Variants in SLC4A4 observed in about 807,000 individuals in gnomAD.
SLC4A4 encodes solute carrier family 4 member 4, also known as electrogenic sodium bicarbonate cotransporter 1.
SLC4A4 carries 27 observed loss-of-function variants against 111.5 expected under a neutral mutation model. The observed-to-expected ratio is 0.24, with a 90% CI of 0.18 to 0.33. The LOEUF (loss-of-function observed/expected upper bound fraction) is 0.33, where lower values mean the gene tolerates loss of function less well. SLC4A4 is among the 10% of genes least tolerant of loss of function. SLC4A4 has a pLI of 1.00. For missense variants in SLC4A4, 909 were observed against 1,315.5 expected (o/e 0.69, Z 4.78); for synonymous variants, 443 against 463.4 (o/e 0.96, Z 0.57).
At chr4:71,548,572 T>G (rs1735735288) in intron 20 of SLC4A4, among the ~76,000 whole-genome samples, 1 of 151,950 alleles carries the variant, frequency 6.6e-6, no homozygotes, top group Non-Finnish European at 1.5e-5. Context: ...TGCTTTATAC[T>G]ACAGTACAAA....
chr4:71,332,538 G>A (rs1402851835), intron 3 of SLC4A4, among the ~76,000 whole-genome samples: 2 of 150,656 alleles, frequency 1.3e-5, no homozygotes, highest in African/African-American at 2.4e-5. Flanking sequence ...TCCGCCTTCC[G>A]GGTTCACGCC....
intron 3 of SLC4A4, among the ~76,000 whole-genome samples, chr4:71,258,242 A>G (rs1315843490): frequency 1.3e-5 from 2 of 152,158 alleles, no homozygotes; most frequent in South Asian, 2.1e-4. Flanking sequence ...GCCTTTGTTC[A>G]TGCAAACTTG....
intron 20 of SLC4A4, among the ~76,000 whole-genome samples, chr4:71,550,284 T>A (rs1241010112): frequency 6.6e-6 from 1 of 152,008 alleles, no homozygotes; most frequent in Non-Finnish European, 1.5e-5. Context: ...AGTTAGGCTA[T>A]TCCTTACTTC....
At chr4:71,424,809 G>A (rs1399650642) in intron 7 of SLC4A4, among the ~76,000 whole-genome samples, 1 of 152,012 alleles carries the variant, frequency 6.6e-6, no homozygotes, top group Non-Finnish European at 1.5e-5. Context: ...CGTGGACACA[G>A]GAAGGGGAAC....
chr4:71,451,140 A>G, intron 10 of SLC4A4, 48 bp from the exon 11 acceptor site: 1 of 1,211,492 alleles, frequency 8.3e-7, no homozygotes, highest in South Asian at 1.2e-5. Flanking sequence ...TAAGAAGCGA[A>G]TGAATAAAAT....
chr4:71,145,265 G>T (rs970908396), intron 2 of SLC4A4, among the ~76,000 whole-genome samples: 1 of 152,174 alleles, frequency 6.6e-6, no homozygotes, highest in Non-Finnish European at 1.5e-5. Context: ...ATTTGTGTAT[G>T]TTGAACCAGA....
chr4:71,391,966 G>A (rs1424716434), intron 6 of SLC4A4, among the ~76,000 whole-genome samples: 5 of 151,984 alleles, frequency 3.3e-5, no homozygotes, highest in Non-Finnish European at 7.4e-5. Context: ...AGTATAATGT[G>A]TTTACATTAT....
At chr4:71,243,557 AT>A (rs1560807416) in intron 2 of SLC4A4, among the ~76,000 whole-genome samples, 6 of 152,054 alleles carry the variant, frequency 3.9e-5, no homozygotes, top group Admixed American at 3.9e-4. Context: ...CTTTTGGCTG[AT>A]TGCATTTAGG....
chr4:71,424,973 T>TA (rs1722981184), intron 7 of SLC4A4, among the ~76,000 whole-genome samples: 1 of 151,852 alleles, frequency 6.6e-6, no homozygotes, highest in Non-Finnish European at 1.5e-5. Context: ...ACGTGTACCC[T>TA]AAAACTTAAA....
chr4:71,472,012 C>T (rs557334612), intron 13 of SLC4A4, among the ~76,000 whole-genome samples: 27 of 152,036 alleles, frequency 1.8e-4, no homozygotes, highest in Admixed American at 4.6e-4. Flanking sequence ...AATTCCACCT[C>T]ATGTTGGTGG....
rs1168996571 is a variant in SLC4A4 at position 71,443,116 on chromosome 4, CTATATA to C, written c.965+2374_965+2379del. ...TCTCTCTCTCTCTCTCTCTCTCTCT[CTATATA>C]TATATATATATATATATATATATAT... On this transcript the variant is annotated intron_variant, in intron 8 of 25. Coordinates refer to ENST00000264485, the MANE Select transcript of SLC4A4 (RefSeq NM_001098484.3). Among the ~76,000 whole-genome samples the C allele has an allele frequency of 7.9e-3, 519 of 65,592 alleles. 9 individuals carry two copies. Among genetic ancestry groups the C allele is most frequent in the East Asian group, 0.074 (134 of 1,804 alleles). 43.0% of individuals were successfully genotyped at this position (65,592 alleles called of 152,430 possible).
At chr4:71,250,323 A>G (rs762695512) in intron 2 of SLC4A4, among the ~76,000 whole-genome samples, 30 of 152,172 alleles carry the variant, frequency 2.0e-4, no homozygotes, top group Non-Finnish European at 3.5e-4. Flanking sequence ...AAAATGCTGC[A>G]TGTTGTAGAA....
chr4:71,149,533 C>T (rs968781452), intron 2 of SLC4A4, among the ~76,000 whole-genome samples: 7 of 152,160 alleles, frequency 4.6e-5, no homozygotes, highest in Admixed American at 4.6e-4. Flanking sequence ...CTCTAAACAA[C>T]TTTCAGGTGT....
chr4:71,228,405 G>A (rs1305570230), intron 1 of SLC4A4, among the ~76,000 whole-genome samples: 1 of 152,160 alleles, frequency 6.6e-6, no homozygotes, highest in Admixed American at 6.5e-5. Flanking sequence ...TGGGTCTGTA[G>A]GAGTATTAAT....
chr4:71,416,620 T>G (rs1721847366), intron 7 of SLC4A4, among the ~76,000 whole-genome samples: 1 of 152,126 alleles, frequency 6.6e-6, no homozygotes, highest in African/African-American at 2.4e-5. Flanking sequence ...GTGGTGAGAA[T>G]TTAATAAGAT....
chr4:71,538,523 T>A (rs2149221338), intron 18 of SLC4A4, among the ~76,000 whole-genome samples: 1 of 152,280 alleles, frequency 6.6e-6, no homozygotes, highest in South Asian at 2.1e-4. Context: ...ATTGTTTTGT[T>A]CATATTTTGT....
At chr4:71,396,315 A>G (rs1719820166) in intron 6 of SLC4A4, among the ~76,000 whole-genome samples, 2 of 152,210 alleles carry the variant, frequency 1.3e-5, no homozygotes, top group Non-Finnish European at 2.9e-5. Flanking sequence ...CAGTTCAAGG[A>G]AATTATAATT....
At chr4:71,235,261 T>C (rs1719722016) in intron 1 of SLC4A4, among the ~76,000 whole-genome samples, 1 of 152,234 alleles carries the variant, frequency 6.6e-6, no homozygotes, top group Non-Finnish European at 1.5e-5. Context: ...TTTTATGTTA[T>C]GATGGTTGCT....
At chr4:71,315,232 A>T (rs1726588668) in intron 3 of SLC4A4, among the ~76,000 whole-genome samples, 1 of 152,096 alleles carries the variant, frequency 6.6e-6, no homozygotes, top group Non-Finnish European at 1.5e-5. Flanking sequence ...CCTAAAACTG[A>T]TGCAGACCCT....
Sources: gnomAD v4.1 joint callset for allele counts (sites outside exome capture counted in the v4.1 genomes callset) on GRCh38, gnomAD v4.1.1 for gene constraint, MANE v1.5 for transcripts, NCBI Gene and HGNC (gene_info 2026-07-23, HGNC 2026-07-21) for gene names.